Variants in METTL16 observed in about 807,000 individuals in gnomAD.
METTL16 encodes RNA N(6)-adenosine-methyltransferase METTL16.
METTL16 carries 19 observed loss-of-function variants against 57.9 expected under a neutral mutation model. The observed-to-expected ratio is 0.33, with a 90% CI of 0.23 to 0.48. METTL16 has a LOEUF of 0.48. Ranked by LOEUF, METTL16 falls within the 20% of genes least tolerant of loss-of-function variation. The probability of loss-of-function intolerance (pLI) is 0.99; values close to 1 mark genes in which losing one functional copy is unlikely to be tolerated. For missense variants in METTL16, 434 were observed against 691.5 expected (o/e 0.63, Z 4.18); for synonymous variants, 246 against 255.6 (o/e 0.96, Z 0.36).
intron 1 of METTL16, among the ~76,000 whole-genome samples, chr17:2,506,878 G>A (rs1164383900): frequency 1.3e-5 from 2 of 151,162 alleles, no homozygotes; most frequent in African/African-American, 4.9e-5. Flanking sequence ...CTGAGATGTG[G>A]GGAGCGCCTC....
chr17:2,496,011 G>A (rs1372141594), intron 2 of METTL16, among the ~76,000 whole-genome samples: 1 of 151,546 alleles, frequency 6.6e-6, no homozygotes, highest in African/African-American at 2.4e-5. Context: ...TCAGGAGGCT[G>A]AGGCAGGAGA....
intron 8 of METTL16, among the ~76,000 whole-genome samples, chr17:2,429,374 G>T (rs1176726444): frequency 1.3e-5 from 2 of 150,208 alleles, no homozygotes; most frequent in African/African-American, 4.9e-5. Context: ...TTTTAATAGA[G>T]ACGGGGATTC....
chr17:2,497,858 CTG>C (rs2067457795), intron 2 of METTL16, among the ~76,000 whole-genome samples: 1 of 151,526 alleles, frequency 6.6e-6, no homozygotes, highest in South Asian at 2.1e-4. Context: ...TCTGAAAGTG[CTG>C]TGACTGCAGG....
chr17:2,464,420 C>G (rs1291476440), intron 5 of METTL16, 70 bp from the exon 6 acceptor site: 2 of 1,423,010 alleles, frequency 1.4e-6, no homozygotes, highest in East Asian at 2.4e-5. Flanking sequence ...TGTAATCTAT[C>G]TCTAAGTTAG....
intron 4 of METTL16, among the ~76,000 whole-genome samples, chr17:2,470,781 C>G (rs1469330986): frequency 2.0e-5 from 3 of 152,188 alleles, no homozygotes; most frequent in Non-Finnish European, 2.9e-5. Context: ...GCCTGGGTGA[C>G]AGTGAGACCC....
intron 3 of METTL16, chr17:2,475,292 T>C (rs2067262206): frequency 6.6e-6 from 1 of 152,212 alleles, no homozygotes; most frequent in African/African-American, 2.4e-5. Context: ...AAGCACGTCC[T>C]TGGATACCTG....
Position 2,490,184 on chromosome 17 carries a change from C to T in METTL16, c.128+12020G>A, listed in dbSNP as rs1472775588. ...GGTGGGTAGATGCGTCGGGTGGAGACTTCCTTCACCTCACATTTCTGTATT... is the reference window on the plus strand; with the variant it reads ...GGTGGGTAGATGCGTCGGGTGGAGATTTCCTTCACCTCACATTTCTGTATT... On this transcript the variant is annotated intron_variant, in intron 2 of 9. Transcript: ENST00000263092. Among the ~76,000 whole-genome samples the T allele has an allele frequency of 3.3e-5, 5 of 151,900 alleles. No homozygotes were observed. The East Asian group carries it at 9.6e-4, about 29-fold the overall frequency.
At chr17:2,448,773 TAA>T (rs1391105641) in intron 6 of METTL16, among the ~76,000 whole-genome samples, 4 of 29,612 alleles carry the variant, frequency 1.4e-4, no homozygotes, top group Admixed American at 3.8e-4. Flanking sequence ...AAATAAAAAA[TAA>T]AAAAATAAAA....
In METTL16 at chr17:2,420,722, A is replaced by G. The variant is rs762195663; in HGVS notation, c.1062+9T>C. On this transcript the variant is annotated intron_variant, in intron 9 of 9. Coordinates refer to ENST00000263092, the MANE Select transcript of METTL16 (RefSeq NM_024086.4). The surrounding 1 kb of genome is among the most constrained non-coding windows in gnomAD (Gnocchi z 5.4). ...TATGAGTACTTCGTCAATATGGTTA[A>G]GCAGGTACCTTCAAATCAGTGAGAA... is the stretch of plus-strand genomic sequence containing the variant. The G allele has an allele frequency of 8.1e-6, 13 of 1,610,470 alleles. No homozygotes were observed. In the African/African-American group the frequency reaches 1.5e-4, roughly 18 times the overall value.
At chr17:2,438,540 T>A (rs1277409697) in intron 7 of METTL16, among the ~76,000 whole-genome samples, 1 of 152,192 alleles carries the variant, frequency 6.6e-6, no homozygotes, top group African/African-American at 2.4e-5. Context: ...TCTTGCTCTG[T>A]CACCCAGGCT....
intron 6 of METTL16, among the ~76,000 whole-genome samples, chr17:2,444,635 ACT>A (rs916471769): frequency 6.6e-6 from 1 of 151,206 alleles, no homozygotes; most frequent in Non-Finnish European, 1.5e-5. Context: ...TTCGCTCGCC[ACT>A]CTCTCACTGA....
At chr17:2,458,441 G>T (rs893929663) in intron 6 of METTL16, among the ~76,000 whole-genome samples, 2 of 151,376 alleles carry the variant, frequency 1.3e-5, no homozygotes, top group African/African-American at 4.9e-5. Flanking sequence ...CCAGGGTGTG[G>T]TGACTCACAC....
chr17:2,451,543 C>T (rs1279485386), intron 6 of METTL16, among the ~76,000 whole-genome samples: 2 of 151,796 alleles, frequency 1.3e-5, no homozygotes, highest in Non-Finnish European at 2.9e-5. Context: ...ATCGCTTGAA[C>T]CCAGGAGGCG....
At chr17:2,464,485 A>G (rs1233512906) in intron 5 of METTL16, 135 bp from the exon 6 acceptor site, 2 of 740,008 alleles carry the variant, frequency 2.7e-6, no homozygotes, top group Non-Finnish European at 4.0e-6. Context: ...TAGGATTTTA[A>G]AATCATAGCC....
chr17:2,423,690 A>G (rs2066786297), intron 8 of METTL16, among the ~76,000 whole-genome samples: 1 of 152,116 alleles, frequency 6.6e-6, no homozygotes. Flanking sequence ...GCATGGCTAA[A>G]AGGGCAGCAC....
At chr17:2,437,227 C>T (rs1413485160) in intron 8 of METTL16, among the ~76,000 whole-genome samples, 1 of 152,062 alleles carries the variant, frequency 6.6e-6, no homozygotes, top group African/African-American at 2.4e-5. Context: ...TGTTCTAGCA[C>T]ACACAAAATA....
At chr17:2,499,812 G>A (rs953195123) in intron 2 of METTL16, among the ~76,000 whole-genome samples, 4 of 152,042 alleles carry the variant, frequency 2.6e-5, no homozygotes, top group African/African-American at 7.2e-5. Flanking sequence ...GAAGTGCAGT[G>A]GCATGATCTC....
intron 3 of METTL16, among the ~76,000 whole-genome samples, chr17:2,474,828 G>C (rs1392615691): frequency 6.6e-6 from 1 of 152,192 alleles, no homozygotes; most frequent in Non-Finnish European, 1.5e-5. Flanking sequence ...GCTGAGGCAG[G>C]AGAATCGCTC....
intron 6 of METTL16, among the ~76,000 whole-genome samples, chr17:2,458,900 G>T (rs778227931): frequency 5.3e-5 from 8 of 151,814 alleles, no homozygotes; most frequent in Non-Finnish European, 1.2e-4. Context: ...TCGACCTCCT[G>T]GGCTCAAGCG....
Sources: gnomAD v4.1 joint callset for allele counts (sites outside exome capture counted in the v4.1 genomes callset) on GRCh38, gnomAD v4.1.1 for gene constraint, Gnocchi (gnomAD v3.1) non-coding constraint, MANE v1.5 for transcripts, NCBI Gene and HGNC (gene_info 2026-07-23, HGNC 2026-07-21) for gene names.